Variants in HYAL4 observed in about 807,000 individuals in gnomAD.
HYAL4 encodes the protein hyaluronidase 4.
Under a neutral mutation model 35.2 loss-of-function variants are expected in HYAL4, and 37 were observed. The ratio of observed to expected loss-of-function variants is 1.05; its 90% CI spans 0.81 to 1.38. HYAL4 has a LOEUF of 1.38. Ranked by LOEUF, HYAL4 falls within the 40% of genes most tolerant of loss-of-function variation. The probability of loss-of-function intolerance (pLI) is 0.00; values close to 1 mark genes in which losing one functional copy is unlikely to be tolerated. For missense variants in HYAL4, 572 were observed against 572.4 expected, an observed-to-expected ratio of 1.00 and a Z score of 0.01; for synonymous variants, 198 against 203.2, an observed-to-expected ratio of 0.97 and a Z score of 0.22.
chr7:123,782,075 T>C, the HYAL4 span, among the ~76,000 whole-genome samples: 3 of 151,790 alleles, frequency 2.0e-5, no homozygotes, highest in Non-Finnish European at 4.4e-5. Flanking sequence ...TGGGCTAATA[T>C]GCTTCCCCTG....
chr7:123,871,244 T>G (rs1358715493), intron 3 of HYAL4, among the ~76,000 whole-genome samples: 1 of 150,966 alleles, frequency 6.6e-6, no homozygotes, highest in Non-Finnish European at 1.5e-5. Flanking sequence ...CAGGCTGGAG[T>G]GCAGTGGCGC....
intron 2 of HYAL4, among the ~76,000 whole-genome samples, chr7:123,853,905 A>G (rs1383316218): frequency 6.6e-6 from 1 of 151,962 alleles, no homozygotes; most frequent in East Asian, 1.9e-4. Flanking sequence ...CAATTTCAGA[A>G]CTTGTTATTA....
At chr7:123,808,518 A>G in the HYAL4 span, among the ~76,000 whole-genome samples, 3 of 151,666 alleles carry the variant, frequency 2.0e-5, no homozygotes, top group Non-Finnish European at 4.4e-5. Flanking sequence ...CAGAAAATGT[A>G]TGAAAAAAAG....
the HYAL4 span, among the ~76,000 whole-genome samples, chr7:123,808,808 G>GGCCT: frequency 6.6e-6 from 1 of 152,046 alleles, no homozygotes; most frequent in Non-Finnish European, 1.5e-5. Flanking sequence ...GTCTGGTGAG[G>GGCCT]GCCTGCTCCT....
At chr7:123,801,051 A>G in the HYAL4 span, among the ~76,000 whole-genome samples, 3 of 152,166 alleles carry the variant, frequency 2.0e-5, no homozygotes, top group Non-Finnish European at 4.4e-5. Flanking sequence ...TTGGTGGCTC[A>G]CTTCTGTAAT....
chr7:123,784,796 C>A, the HYAL4 span, among the ~76,000 whole-genome samples: 76 of 152,240 alleles, frequency 5.0e-4, no homozygotes, highest in African/African-American at 1.8e-3. Context: ...AAACAAGGAG[C>A]CTTCCAGGAT....
rs184011833 is a variant in HYAL4 at position 123,869,934 on chromosome 7, C to T, written c.954+707C>T. ...TGAACTCCTGACCTCAGGTGATCCA[C>T]CCTCCTCGGCCTCCCAAAGTGCTGA... On this transcript the variant is annotated intron_variant, in intron 3 of 4. Coordinates refer to ENST00000223026, the MANE Select transcript of HYAL4 (RefSeq NM_012269.3). 1.2e-3 allele frequency among the ~76,000 whole-genome samples: 183 copies of T among 151,834 alleles called. 1 individual carries two copies. Among genetic ancestry groups the T allele is most frequent in the African/African-American group, 4.4e-3 (180 of 41,366 alleles).
chr7:123,862,970 C>A (rs762427981), intron 2 of HYAL4, among the ~76,000 whole-genome samples: 2 of 152,232 alleles, frequency 1.3e-5, no homozygotes, highest in Non-Finnish European at 2.9e-5. Context: ...CTTCAAAGGT[C>A]TTTAGAGACA....
upstream of HYAL4, among the ~76,000 whole-genome samples, chr7:123,841,726 G>T (rs995586433): frequency 1.3e-5 from 2 of 151,956 alleles, no homozygotes; most frequent in African/African-American, 2.4e-5. Context: ...TCTTGGGAGG[G>T]TGTATATGTC....
the HYAL4 span, among the ~76,000 whole-genome samples, chr7:123,805,157 G>C: frequency 4.6e-5 from 7 of 152,208 alleles, no homozygotes; most frequent in Non-Finnish European, 8.8e-5. Flanking sequence ...ACTTTCCCCT[G>C]TAAAGGCCTT....
At chr7:123,830,406 T>G (rs1194411448) in intron 1 of HYAL4, among the ~76,000 whole-genome samples, 1 of 152,178 alleles carries the variant, frequency 6.6e-6, no homozygotes, top group Non-Finnish European at 1.5e-5. Flanking sequence ...AAACCTATCT[T>G]CTAAGATGAG....
In HYAL4 at chr7:123,851,488, C is replaced by T. The variant is rs537523305; in HGVS notation, c.-52+3330C>T. 2.1e-4 allele frequency among the ~76,000 whole-genome samples: 32 copies of T among 152,108 alleles called. No homozygotes were observed. The South Asian group carries it at 6.0e-3, about 29-fold the overall frequency. ...ACTCCCACTTACGAGTGAGAACATG[C>T]GGTGTTTGGTTTTCTCTTCCTGTGT... On this transcript the variant is annotated intron_variant, in intron 2 of 4. Transcript: ENST00000223026.
At chr7:123,792,199 A>G in the HYAL4 span, among the ~76,000 whole-genome samples, 1 of 152,244 alleles carries the variant, frequency 6.6e-6, no homozygotes, top group East Asian at 1.9e-4. Context: ...TCACACTGTT[A>G]CACAGGCAGA....
chr7:123,837,936 G>A (rs1202816428), intron 1 of HYAL4, among the ~76,000 whole-genome samples: 1 of 151,954 alleles, frequency 6.6e-6, no homozygotes, highest in Non-Finnish European at 1.5e-5. Flanking sequence ...CATTTGGCTT[G>A]GTTCCAAGTC....
chr7:123,803,931 A>G, the HYAL4 span, among the ~76,000 whole-genome samples: 3 of 152,104 alleles, frequency 2.0e-5, no homozygotes, highest in Non-Finnish European at 4.4e-5. Context: ...GATCTTTTAA[A>G]CCACATTTGA....
the HYAL4 span, chr7:123,819,344 G>A: frequency 2.0e-5 from 3 of 152,706 alleles, no homozygotes; most frequent in Admixed American, 6.5e-5. Flanking sequence ...TTTCTAGGAG[G>A]ACTTAGTGCA....
At chr7:123,809,707 ATTCT>A in the HYAL4 span, among the ~76,000 whole-genome samples, 7 of 152,166 alleles carry the variant, frequency 4.6e-5, no homozygotes, top group Non-Finnish European at 7.4e-5. Context: ...CATTTGCAAC[ATTCT>A]TTCTTGCATT....
intron 3 of HYAL4, among the ~76,000 whole-genome samples, chr7:123,874,121 CTGGTATG>C (rs1806949161): frequency 6.6e-6 from 1 of 152,156 alleles, no homozygotes; most frequent in Non-Finnish European, 1.5e-5. Flanking sequence ...TACATATGAC[CTGGTATG>C]TGGGTATGTG....
At chr7:123,822,635 C>G in the HYAL4 span, among the ~76,000 whole-genome samples, 1 of 152,136 alleles carries the variant, frequency 6.6e-6, no homozygotes, top group Admixed American at 6.6e-5. Flanking sequence ...ATTGCTCTAG[C>G]TAGGACTTCT....
Sources: gnomAD v4.1 joint callset for allele counts (sites outside exome capture counted in the v4.1 genomes callset) on GRCh38, gnomAD v4.1.1 for gene constraint, MANE v1.5 for transcripts, NCBI Gene and HGNC (gene_info 2026-07-23, HGNC 2026-07-21) for gene names.